C10orf90: variants seen among roughly 807,000 people sequenced by gnomAD.
C10orf90 encodes (E2-independent) E3 ubiquitin-conjugating enzyme FATS.
In C10orf90, 56 loss-of-function variants were observed where a neutral mutation model predicts 62.5. The observed-to-expected ratio is 0.90, with a 90% CI of 0.72 to 1.12. C10orf90 has a LOEUF of 1.12. Among genes scored for constraint, C10orf90 ranks in the 50% most tolerant of loss-of-function variants. The probability of loss-of-function intolerance (pLI) is 0.00; values close to 1 mark genes in which losing one functional copy is unlikely to be tolerated. For missense variants in C10orf90, 970 were observed against 880.4 expected (o/e 1.10, Z -1.29); for synonymous variants, 386 against 340.4 (o/e 1.13, Z -1.47).
intron 2 of C10orf90, among the ~76,000 whole-genome samples, chr10:126,591,468 T>C (rs1844977689): frequency 6.6e-6 from 1 of 152,066 alleles, no homozygotes. Flanking sequence ...TCAATAGACA[T>C]GGAAGAGGCC....
chr10:126,505,689 T>C (rs1862691461), intron 3 of C10orf90, among the ~76,000 whole-genome samples: 1 of 152,144 alleles, frequency 6.6e-6, no homozygotes, highest in Non-Finnish European at 1.5e-5. Flanking sequence ...GCATGGTGGC[T>C]CACACTTGTA....
chr10:126,542,950 G>C (rs1018559197), intron 2 of C10orf90, among the ~76,000 whole-genome samples: 6 of 152,138 alleles, frequency 3.9e-5, no homozygotes, highest in Non-Finnish European at 7.4e-5. Flanking sequence ...GTTTTGTTTA[G>C]TTACAAATGA....
intron 1 of C10orf90, among the ~76,000 whole-genome samples, chr10:126,658,945 C>T (rs1423652873): frequency 6.6e-6 from 1 of 152,158 alleles, no homozygotes; most frequent in Non-Finnish European, 1.5e-5. Context: ...CAAGCTTCCT[C>T]CAGATTGCAG....
At chr10:126,532,970 T>C (rs1333428189) in intron 2 of C10orf90, among the ~76,000 whole-genome samples, 1 of 150,638 alleles carries the variant, frequency 6.6e-6, no homozygotes, top group Non-Finnish European at 1.5e-5. Context: ...TCTCGCTCTG[T>C]CGCCCAGGCT....
rs73370889 is a variant in C10orf90 at position 126,669,214 on chromosome 10, A to G, written c.240+1027T>C. 3.6e-3 allele frequency among the ~76,000 whole-genome samples: 552 copies of G among 152,356 alleles called. 4 individuals carry two copies. The highest frequency in any genetic ancestry group is 0.013 in the African/African-American group (537 of 41,572). ...ATGAAGTAATGAACAACTATTACTG[A>G]ATTTAATTAGCACCATTATTTCTGT... On this transcript the variant is annotated intron_variant, in intron 1 of 9. Transcript: ENST00000488181.
chr10:126,495,321 A>T (rs1440271378), intron 4 of C10orf90, among the ~76,000 whole-genome samples: 1 of 152,108 alleles, frequency 6.6e-6, no homozygotes, highest in Non-Finnish European at 1.5e-5. Flanking sequence ...GCCAGGAGTG[A>T]GTGTGTTTTG....
rs1383263548 is a variant in C10orf90, at chr10:126,504,574, A to C, written c.917T>G (p.Val306Gly). The change falls in exon 4 of 10, where the codon GTT (valine) becomes GGT (glycine). Residue 306 changes from valine (V) to glycine (G), a missense_variant. Physicochemically the swap from Val to Gly is moderately radical, Grantham distance 109. Coordinates refer to ENST00000488181, the MANE Select transcript of C10orf90 (RefSeq NM_001350921.2). This position sits in a 1 kb window ranked among gnomAD's most constrained non-coding sequence, Gnocchi z 4.1. The part of the protein sequence containing the change: ...SRNSSVVRLK[V>G]PEAHTGLCER... ...ACACAACCCAGTGTGGGCCTCGGGA[A>C]CCTTCAGCCGCACCACGGAGCTGTT... The C allele has an allele frequency of 1.9e-6, 3 of 1,613,948 alleles. No homozygotes were observed. The highest frequency in any genetic ancestry group is 1.7e-6 in the Non-Finnish European group (2 of 1,180,008).
intron 1 of C10orf90, among the ~76,000 whole-genome samples, chr10:126,648,879 C>A (rs1404614141): frequency 1.3e-5 from 2 of 152,158 alleles, no homozygotes; most frequent in African/African-American, 4.8e-5. Context: ...AGTTAGTTAA[C>A]CTGGGATATG....
intron 2 of C10orf90, among the ~76,000 whole-genome samples, chr10:126,618,650 GA>G (rs1591148952): frequency 6.6e-6 from 1 of 152,010 alleles, no homozygotes; most frequent in African/African-American, 2.4e-5. Flanking sequence ...ACTGAAGTAT[GA>G]TTCATATATA....
At chr10:126,497,253 C>T (rs1862111616) in intron 4 of C10orf90, among the ~76,000 whole-genome samples, 1 of 152,152 alleles carries the variant, frequency 6.6e-6, no homozygotes, top group Admixed American at 6.5e-5. Flanking sequence ...GGCACCTGCT[C>T]TTCTGGGACA....
At chr10:126,584,048 A>T (rs1591120679) in intron 2 of C10orf90, among the ~76,000 whole-genome samples, 1 of 152,090 alleles carries the variant, frequency 6.6e-6, no homozygotes, top group African/African-American at 2.4e-5. Context: ...TGAGCCCAGG[A>T]AATCAGGGCT....
chr10:126,462,041 T>G (rs929971834), intron 5 of C10orf90, among the ~76,000 whole-genome samples: 2 of 152,126 alleles, frequency 1.3e-5, no homozygotes, highest in African/African-American at 2.4e-5. Flanking sequence ...AGACGACCAC[T>G]GGCTTTGCAT....
chr10:126,451,943 A>G (rs1220282660), intron 7 of C10orf90, among the ~76,000 whole-genome samples: 1 of 152,166 alleles, frequency 6.6e-6, no homozygotes, highest in Non-Finnish European at 1.5e-5. Context: ...AATCCAGGAG[A>G]TGCTGGTCAA....
At chr10:126,663,960 C>T (rs767833528) in intron 1 of C10orf90, among the ~76,000 whole-genome samples, 2 of 152,196 alleles carry the variant, frequency 1.3e-5, no homozygotes, top group South Asian at 2.1e-4. Context: ...CATTTTATGT[C>T]GAAAATGCCT....
At chr10:126,660,637 A>G (rs894235719) in intron 1 of C10orf90, among the ~76,000 whole-genome samples, 2 of 152,234 alleles carry the variant, frequency 1.3e-5, no homozygotes, top group African/African-American at 2.4e-5. Flanking sequence ...AGACATCCTA[A>G]TCAGAGAAGC....
intron 4 of C10orf90, among the ~76,000 whole-genome samples, chr10:126,494,870 C>A (rs924938200): frequency 2.6e-5 from 4 of 152,228 alleles, no homozygotes; most frequent in Non-Finnish European, 5.9e-5. Flanking sequence ...GTGTTCCCTG[C>A]AAAGAGGACA....
At chr10:126,474,382 A>G (rs962938584) in intron 4 of C10orf90, among the ~76,000 whole-genome samples, 7 of 152,206 alleles carry the variant, frequency 4.6e-5, no homozygotes, top group African/African-American at 1.4e-4. Context: ...GTGCAATCCC[A>G]TCAGGTTCCC....
chr10:126,558,125 C>T (rs1185679654), intron 2 of C10orf90, among the ~76,000 whole-genome samples: 3 of 152,132 alleles, frequency 2.0e-5, no homozygotes, highest in Non-Finnish European at 2.9e-5. Flanking sequence ...TTCTCTTTGT[C>T]TTGCCTCAGT....
intron 1 of C10orf90, among the ~76,000 whole-genome samples, chr10:126,658,983 T>C (rs756385648): frequency 7.2e-5 from 11 of 152,228 alleles, no homozygotes; most frequent in Non-Finnish European, 1.5e-4. Flanking sequence ...ATAGCCATTA[T>C]TGTGGAGCTA....
Sources: allele counts gnomAD v4.1 joint callset (sites outside exome capture counted in the v4.1 genomes callset), GRCh38; gene constraint gnomAD v4.1.1; non-coding constraint Gnocchi (gnomAD v3.1); transcripts MANE v1.5; gene names NCBI Gene and HGNC (gene_info 2026-07-23, HGNC 2026-07-21).